Variants in COL5A2 observed in about 807,000 individuals in gnomAD.
COL5A2 encodes the protein collagen type V alpha 2 chain.
In COL5A2, 23 loss-of-function variants were observed where a neutral mutation model predicts 208.2. That is an observed-to-expected ratio of 0.11 (90% CI 0.08 to 0.16). The LOEUF is 0.16. COL5A2 is among the 10% of genes least tolerant of loss of function. The probability of loss-of-function intolerance (pLI) is 1.00; values close to 1 mark genes in which losing one functional copy is unlikely to be tolerated. For missense variants in COL5A2, 1,590 were observed against 1,956.4 expected (o/e 0.81, Z 3.53); for synonymous variants, 625 against 628.5 (o/e 0.99, Z 0.08).
the COL5A2 span, among the ~76,000 whole-genome samples, chr2:189,369,430 T>C: frequency 6.6e-6 from 1 of 152,162 alleles, no homozygotes; most frequent in East Asian, 1.9e-4. Context: ...CTATTTTGTA[T>C]GTAGAATATA....
the COL5A2 span, among the ~76,000 whole-genome samples, chr2:189,246,820 T>G: frequency 6.6e-6 from 1 of 152,196 alleles, no homozygotes; most frequent in Non-Finnish European, 1.5e-5. Flanking sequence ...TGGGGAAAAC[T>G]GGTGGTTGAA....
chr2:189,374,411 A>C, the COL5A2 span, among the ~76,000 whole-genome samples: 1 of 152,118 alleles, frequency 6.6e-6, no homozygotes, highest in Non-Finnish European at 1.5e-5. Flanking sequence ...TTAACAACAA[A>C]TCAACCACGG....
At chr2:189,352,915 G>A in the COL5A2 span, among the ~76,000 whole-genome samples, 1 of 152,270 alleles carries the variant, frequency 6.6e-6, no homozygotes, top group East Asian at 1.9e-4. Flanking sequence ...GGTTTTTATA[G>A]TTTTAGGTCT....
At chr2:189,060,275 G>C (rs1685999542) in intron 31 of COL5A2, among the ~76,000 whole-genome samples, 1 of 152,144 alleles carries the variant, frequency 6.6e-6, no homozygotes, top group Non-Finnish European at 1.5e-5. Context: ...AGGACAGCAA[G>C]GTCCAAATCC....
chr2:189,115,625 A>T (rs1256980844), intron 1 of COL5A2, among the ~76,000 whole-genome samples: 1 of 152,206 alleles, frequency 6.6e-6, no homozygotes, highest in Non-Finnish European at 1.5e-5. Context: ...TAAAAATTTT[A>T]AATCTCTTAT....
At chr2:189,172,482 T>C (rs931838446) in intron 1 of COL5A2, among the ~76,000 whole-genome samples, 2 of 152,214 alleles carry the variant, frequency 1.3e-5, no homozygotes. Flanking sequence ...TAAGTAAATT[T>C]CTTAAATGGT....
the COL5A2 span, among the ~76,000 whole-genome samples, chr2:189,248,354 A>C: frequency 2.0e-5 from 3 of 152,190 alleles, no homozygotes; most frequent in Non-Finnish European, 4.4e-5. Context: ...ATTTATTTTA[A>C]ACTATTTTAG....
At chr2:189,232,484 G>A in the COL5A2 span, among the ~76,000 whole-genome samples, 4 of 151,582 alleles carry the variant, frequency 2.6e-5, no homozygotes, top group African/African-American at 9.7e-5. Flanking sequence ...AATATACTGA[G>A]TTCCTACAAT....
In COL5A2 at chr2:189,204,613, C is replaced by T. The variant is rs1689121072; in HGVS notation, c.-42+20535G>A. Reference sequence around the variant, plus strand: ...CTTTAATTTCAGCATGCTAGGGTATCTCTCTCCTTTAATTCATTTTTCCTT... The same window carrying T: ...CTTTAATTTCAGCATGCTAGGGTATTTCTCTCCTTTAATTCATTTTTCCTT... On this transcript the variant is annotated intron_variant, in intron 1 of 10. Coordinates refer to the COL5A2 transcript ENST00000649966. Among the ~76,000 whole-genome samples the T allele has an allele frequency of 2.0e-5, 3 of 152,166 alleles. No homozygotes were observed. In the South Asian group the frequency reaches 6.2e-4, roughly 32 times the overall value.
the COL5A2 span, among the ~76,000 whole-genome samples, chr2:189,311,025 T>C: frequency 6.6e-6 from 1 of 152,044 alleles, no homozygotes; most frequent in Non-Finnish European, 1.5e-5. Context: ...CAGTGGGTCT[T>C]ATCCTGTAAA....
chr2:189,355,701 T>C, the COL5A2 span, among the ~76,000 whole-genome samples: 25 of 152,248 alleles, frequency 1.6e-4, no homozygotes, highest in African/African-American at 5.8e-4. Context: ...CTCCTGAATA[T>C]AGCACACTAA....
chr2:189,042,858 T>C, intron 48 of COL5A2, 85 bp from the exon 49 acceptor site: 1 of 1,318,836 alleles, frequency 7.6e-7, no homozygotes, highest in Non-Finnish European at 1.1e-6. Flanking sequence ...TCATTGACTT[T>C]AGCAGCATGA....
intron 1 of COL5A2, among the ~76,000 whole-genome samples, chr2:189,224,931 TAACA>T (rs1689393909): frequency 1.3e-5 from 2 of 152,050 alleles, no homozygotes; most frequent in South Asian, 4.1e-4. Flanking sequence ...TAAAATCTTT[TAACA>T]GAAAGACAGA....
At chr2:189,167,156 T>C (rs1688481088) in intron 1 of COL5A2, among the ~76,000 whole-genome samples, 1 of 152,180 alleles carries the variant, frequency 6.6e-6, no homozygotes, top group Non-Finnish European at 1.5e-5. Flanking sequence ...GGACCTGCTC[T>C]TACTCCTAGG....
At chr2:189,346,880 G>A in the COL5A2 span, among the ~76,000 whole-genome samples, 1 of 152,188 alleles carries the variant, frequency 6.6e-6, no homozygotes, top group Non-Finnish European at 1.5e-5. Flanking sequence ...AAATGTTCAG[G>A]CATTTCTGGA....
chr2:189,133,761 C>T (rs1033493431), intron 1 of COL5A2, among the ~76,000 whole-genome samples: 1 of 152,160 alleles, frequency 6.6e-6, no homozygotes, highest in African/African-American at 2.4e-5. Context: ...AGAGAGACCA[C>T]TTCACCAACC....
At chr2:189,070,628 G>A (rs1305396189) in intron 18 of COL5A2, among the ~76,000 whole-genome samples, 2 of 152,196 alleles carry the variant, frequency 1.3e-5, no homozygotes, top group Non-Finnish European at 2.9e-5. Context: ...TGCTAGTGAA[G>A]TTAAAGTAAA....
the COL5A2 span, among the ~76,000 whole-genome samples, chr2:189,394,864 CATAGACT>C: frequency 2.0e-5 from 3 of 152,214 alleles, no homozygotes; most frequent in East Asian, 5.8e-4. Context: ...CTTTTTTGCT[CATAGACT>C]ATAAATAATG....
At chr2:189,356,664 G>A in the COL5A2 span, among the ~76,000 whole-genome samples, 1 of 152,062 alleles carries the variant, frequency 6.6e-6, no homozygotes, top group Non-Finnish European at 1.5e-5. Context: ...TAGCTTCCTT[G>A]CATTGGGTTA....
Sources: gnomAD v4.1 joint callset for allele counts (sites outside exome capture counted in the v4.1 genomes callset) on GRCh38, gnomAD v4.1.1 for gene constraint, MANE v1.5 for transcripts, NCBI Gene and HGNC (gene_info 2026-07-23, HGNC 2026-07-21) for gene names.